Variants in GNA12 observed in about 807,000 individuals in gnomAD.
The protein encoded by GNA12 is G protein subunit alpha 12, also known as guanine nucleotide-binding protein subunit alpha-12.
A neutral mutation model predicts 26.0 loss-of-function variants in GNA12; 9 were observed. The ratio of observed to expected loss-of-function variants is 0.35; its 90% CI spans 0.21 to 0.60. The LOEUF (loss-of-function observed/expected upper bound fraction) is 0.60. GNA12 is among the 20% of genes least tolerant of loss of function. The pLI is 0.78. For synonymous variants in GNA12, 264 were observed against 219.6 expected, an observed-to-expected ratio of 1.20 and a Z score of -1.79; for missense variants, 405 against 525.8, an observed-to-expected ratio of 0.77 and a Z score of 2.25.
chr7:2,738,363 C>T (rs798517), intron 2 of GNA12, among the ~76,000 whole-genome samples: 87,052 of 151,882 alleles, frequency 0.57, 25,220 homozygotes, highest in Admixed American at 0.63. Flanking sequence ...CTGCAGGAAA[C>T]GTCTAGTAGG....
At chr7:2,739,833 G>C (rs2115322209) in intron 2 of GNA12, among the ~76,000 whole-genome samples, 1 of 152,242 alleles carries the variant, frequency 6.6e-6, no homozygotes, top group African/African-American at 2.4e-5. Flanking sequence ...CACCAAACCT[G>C]GCTAATTTTT....
At chr7:2,839,007 T>C (rs893267211) in intron 1 of GNA12, among the ~76,000 whole-genome samples, 1 of 152,182 alleles carries the variant, frequency 6.6e-6, no homozygotes, top group Non-Finnish European at 1.5e-5. Context: ...AACACCACTA[T>C]CAATCAAGAT....
chr7:2,786,571 A>G (rs56007918), intron 2 of GNA12, among the ~76,000 whole-genome samples: 16,353 of 152,298 alleles, frequency 0.11, 1,024 homozygotes, highest in Middle Eastern at 0.19. Context: ...CTGTCTGTCT[A>G]TCTATGGAAG....
intron 1 of GNA12, chr7:2,814,399 A>T: frequency 6.7e-7 from 1 of 1,501,166 alleles, no homozygotes; most frequent in East Asian, 2.2e-5. Context: ...CCTGCAAGTC[A>T]ACATTTAAGA....
At chr7:2,835,716 A>G in intron 1 of GNA12, 1 of 993,442 alleles carries the variant, frequency 1.0e-6, no homozygotes, top group Non-Finnish European at 1.6e-6. Context: ...ATACAAGTAG[A>G]ATCACAGAGC....
In GNA12 at chr7:2,728,114, A is replaced by G. The variant is rs1468342104; in HGVS notation, c.*3067T>C. ...TTGAATACTGGCACTATTTTATATTAAGCAAAGAAAGACTAAATTTATTTT... is the reference window on the plus strand; with the variant it reads ...TTGAATACTGGCACTATTTTATATTGAGCAAAGAAAGACTAAATTTATTTT... On this transcript the variant is annotated 3_prime_UTR_variant, in exon 4 of 4. Coordinates refer to ENST00000275364, the MANE Select transcript of GNA12 (RefSeq NM_007353.3). 1 of 152,284 alleles carries G rather than the reference A, an allele frequency of 6.6e-6. No individual in the cohort carries two copies. Among genetic ancestry groups the G allele is most frequent in the African/African-American group, 2.4e-5 (1 of 41,414 alleles). The allele number at this position is 152,284 out of a possible 1,614,324, so 9.4% of individuals were successfully genotyped here.
chr7:2,794,575 C>G (rs1051538999), intron 2 of GNA12: 3 of 254,604 alleles, frequency 1.2e-5, no homozygotes, highest in Admixed American at 5.1e-5. Flanking sequence ...CCCATACCCA[C>G]AGGTCCAAAG....
intron 2 of GNA12, chr7:2,763,271 G>T: frequency 3.8e-6 from 1 of 261,186 alleles, no homozygotes; most frequent in Non-Finnish European, 6.1e-6. Context: ...GCCTTCCCAG[G>T]CCCGTGGGAG....
At chr7:2,782,752 G>A (rs912012740) in intron 2 of GNA12, among the ~76,000 whole-genome samples, 27 of 151,614 alleles carry the variant, frequency 1.8e-4, no homozygotes, top group African/African-American at 5.3e-4. Context: ...GTGCTGCCCC[G>A]ACTTTTCTTC....
At chr7:2,829,873 G>A (rs1793563607) in intron 1 of GNA12, among the ~76,000 whole-genome samples, 1 of 152,196 alleles carries the variant, frequency 6.6e-6, no homozygotes, top group Admixed American at 6.5e-5. Flanking sequence ...CAGAGCTAGA[G>A]TTTGACAGAC....
rs752999465 is a variant in GNA12 at position 2,794,999 on chromosome 7, G to C, written c.454C>G (p.Pro152Ala). 97 of 1,614,086 alleles carry C rather than the reference G, an allele frequency of 6.0e-5. 1 individual carries two copies. The highest frequency in any genetic ancestry group is 7.9e-5 in the Non-Finnish European group (93 of 1,180,040). Residue 152 changes from proline (P) to alanine (A), a missense_variant, in exon 2 of 4, where the codon CCG becomes GCG. Pro to Ala is a conservative substitution (Grantham distance 27, BLOSUM62 -1). Coordinates refer to ENST00000275364, the MANE Select transcript of GNA12 (RefSeq NM_007353.3). ...TCCCTCCAGAGTGCGCTCAGGGCCG[G>C]GACGTACAGCTGGAAGGTGGCCGGC... Reference protein sequence around the residue: ...VEPATFQLYVPALSALWRDSG... With the variant: ...VEPATFQLYVAALSALWRDSG...
chr7:2,748,149 G>A (rs1376861285), intron 2 of GNA12, among the ~76,000 whole-genome samples: 2 of 150,390 alleles, frequency 1.3e-5, no homozygotes, highest in Admixed American at 1.3e-4. Context: ...CACAGAATTG[G>A]AAAAAACTAC....
intron 2 of GNA12, among the ~76,000 whole-genome samples, chr7:2,793,773 C>G (rs1292258384): frequency 6.6e-6 from 1 of 151,106 alleles, no homozygotes; most frequent in South Asian, 2.1e-4. Flanking sequence ...GTCTCTGCTA[C>G]TCGGGAGGCT....
intron 1 of GNA12, among the ~76,000 whole-genome samples, chr7:2,800,709 A>G (rs183070870): frequency 3.9e-5 from 6 of 152,310 alleles, no homozygotes; most frequent in African/African-American, 1.2e-4. Context: ...CCCTAACTGG[A>G]GGTGGGCCTC....
rs1176078702 is a variant in GNA12 at position 2,729,961 on chromosome 7, C to CGAGA, written c.*1216_*1219dup. 1.3e-5 allele frequency: 2 copies of CGAGA among 152,348 alleles called. No homozygotes were observed. The highest frequency in any genetic ancestry group is 1.3e-4 in the Admixed American group (2 of 15,268). The allele number at this position is 152,348 out of a possible 1,614,324, so 9.4% of individuals were successfully genotyped here. ...CGGGCTCCCCCAGGACAGCGGCATC[C>CGAGA]GAGAGTGTTTACTCTTCTGCAAGCA... On this transcript the variant is annotated 3_prime_UTR_variant, in exon 4 of 4. Transcript: ENST00000275364.
chr7:2,822,636 T>C (rs1583309408), intron 1 of GNA12, among the ~76,000 whole-genome samples: 2 of 152,066 alleles, frequency 1.3e-5, no homozygotes, highest in South Asian at 4.1e-4. Flanking sequence ...CTGGGCAACA[T>C]AGTGAGTCCT....
intron 2 of GNA12, among the ~76,000 whole-genome samples, chr7:2,766,185 C>T (rs1018777851): frequency 6.6e-6 from 1 of 152,158 alleles, no homozygotes; most frequent in Non-Finnish European, 1.5e-5. Context: ...CATTTGACTA[C>T]TTCAGGTTAT....
At chr7:2,843,342 C>A (rs1048994403) in intron 1 of GNA12, among the ~76,000 whole-genome samples, 5 of 152,066 alleles carry the variant, frequency 3.3e-5, no homozygotes, top group African/African-American at 9.7e-5. Context: ...TCCCCAGGCA[C>A]CCTAGAGAGG....
At chr7:2,821,503 C>T (rs967266914) in intron 1 of GNA12, among the ~76,000 whole-genome samples, 2 of 152,192 alleles carry the variant, frequency 1.3e-5, no homozygotes, top group African/African-American at 4.8e-5. Flanking sequence ...AGGAAACTCC[C>T]CAATTGTATC....
Sources: gnomAD v4.1 joint callset for allele counts (sites outside exome capture counted in the v4.1 genomes callset) on GRCh38, gnomAD v4.1.1 for gene constraint, MANE v1.5 for transcripts, NCBI Gene and HGNC (gene_info 2026-07-23, HGNC 2026-07-21) for gene names.